TG: variants seen among roughly 807,000 people sequenced by gnomAD.
TG encodes thyroglobulin, also known as thyroid hormones.
A neutral mutation model predicts 324.7 loss-of-function variants in TG; 270 were observed. The observed-to-expected ratio is 0.83, with a 90% CI of 0.75 to 0.92. The LOEUF (loss-of-function observed/expected upper bound fraction) is 0.92, where lower values mean the gene tolerates loss of function less well. Among genes scored for constraint, TG ranks in the 40% least tolerant of loss-of-function variants. The pLI is 0.00. For missense variants in TG, 3,591 were observed against 3,456.4 expected (o/e 1.04, Z -0.98); for synonymous variants, 1,401 against 1,327.0 (o/e 1.06, Z -1.21).
At chr8:132,985,531 A>G (rs1237494420) in intron 35 of TG, among the ~76,000 whole-genome samples, 1 of 152,208 alleles carries the variant, frequency 6.6e-6, no homozygotes, top group African/African-American at 2.4e-5. Flanking sequence ...AAAATATATT[A>G]ATATCAAGAT....
At chr8:133,094,480 TC>T in intron 41 of TG, 1 of 176,800 alleles carries the variant, frequency 5.7e-6, no homozygotes, top group Admixed American at 5.4e-5. Flanking sequence ...GACCTTGTGA[TC>T]CGCCCACCTC....
chr8:132,940,162 C>T (rs866861783), intron 25 of TG, among the ~76,000 whole-genome samples: 15 of 152,128 alleles, frequency 9.9e-5, no homozygotes, highest in Admixed American at 7.2e-4. Flanking sequence ...CTCTCTATGA[C>T]GTCCAGCTGT....
At chr8:132,915,821 G>A (rs1820208744) in intron 20 of TG, among the ~76,000 whole-genome samples, 1 of 152,194 alleles carries the variant, frequency 6.6e-6, no homozygotes, top group Non-Finnish European at 1.5e-5. Flanking sequence ...TCTTCCAGCT[G>A]CTGTAGCCTT....
intron 40 of TG, among the ~76,000 whole-genome samples, chr8:133,026,486 A>G (rs1836091024): frequency 6.6e-6 from 1 of 152,218 alleles, no homozygotes; most frequent in African/African-American, 2.4e-5. Context: ...CTGTAGCAGG[A>G]CAGACCCCAG....
At chr8:133,120,868 G>T (rs955752673) in intron 45 of TG, among the ~76,000 whole-genome samples, 1 of 152,184 alleles carries the variant, frequency 6.6e-6, no homozygotes, top group African/African-American at 2.4e-5. Flanking sequence ...AATGGCAATG[G>T]CCCAAAGTGG....
chr8:132,988,708 G>T lies in TG; in HGVS notation c.6262+5296G>T, dbSNP rs559009608. 8.9e-4 allele frequency: 881 copies of T among 985,352 alleles called. 1 individual carries two copies. The highest frequency in any genetic ancestry group is 1.6e-3 in the Middle Eastern group (3 of 1,912). The allele number at this position is 985,352 out of a possible 1,614,324, so 61.0% of individuals were successfully genotyped here. A position where few individuals can be genotyped will look rare whatever the true frequency, so the allele number is the denominator to read the frequency against. ...ACAAATGTACATTGCATCTTAAAAG[G>T]CTTACACCAACCAAGCCAGCAAGGC... On this transcript the variant is annotated intron_variant, in intron 35 of 47. Coordinates refer to ENST00000220616, the MANE Select transcript of TG (RefSeq NM_003235.5).
intron 22 of TG, among the ~76,000 whole-genome samples, chr8:132,928,436 C>A (rs1330733556): frequency 6.6e-6 from 1 of 151,968 alleles, no homozygotes; most frequent in Admixed American, 6.5e-5. Flanking sequence ...TTCTTTTTTG[C>A]TTGGTGAAGA....
intron 41 of TG, among the ~76,000 whole-genome samples, chr8:133,087,167 C>A (rs1554720584): frequency 6.6e-6 from 1 of 151,118 alleles, no homozygotes; most frequent in Non-Finnish European, 1.5e-5. Context: ...CAGTGGTTTT[C>A]TTTGATTGGG....
At chr8:133,040,912 G>A (rs1167477786) in intron 41 of TG, among the ~76,000 whole-genome samples, 5 of 152,158 alleles carry the variant, frequency 3.3e-5, no homozygotes, top group Admixed American at 1.3e-4. Context: ...AAATAAACCC[G>A]TTTCTTTTTT....
chr8:132,887,894 C>A, intron 9 of TG, 90 bp from the exon 10 acceptor site: 1 of 1,223,246 alleles, frequency 8.2e-7, no homozygotes. Context: ...AGGTTTTAGA[C>A]GGAGTTTGGA....
chr8:132,901,212 T>A (rs1817876436), intron 15 of TG, 141 bp from the exon 16 acceptor site: 3 of 888,838 alleles, frequency 3.4e-6, no homozygotes, highest in Non-Finnish European at 5.5e-6. Flanking sequence ...AACCTCCTGG[T>A]GGGGAGGCAG....
At position 133,019,697 on chromosome 8, in the gene TG, T is replaced by G; in HGVS notation, c.6876+2T>G. 6.2e-7 allele frequency: 1 copy of G among 1,612,134 alleles called. No homozygotes were observed. The highest frequency in any genetic ancestry group is 8.5e-7 in the Non-Finnish European group (1 of 1,178,696). On this transcript the variant is annotated splice_donor_variant, in intron 39 of 47. Transcript: ENST00000220616. LOFTEE classifies it high-confidence loss of function. ...AATGTGTTCATCCCTCAGAATGTGG[T>G]GAGTTCAAAAGCACTTGCTATGGTT... is the stretch of plus-strand genomic sequence containing the variant.
At chr8:133,027,651 T>C (rs918440940) in intron 40 of TG, among the ~76,000 whole-genome samples, 4 of 152,208 alleles carry the variant, frequency 2.6e-5, no homozygotes, top group Non-Finnish European at 4.4e-5. Context: ...TAAAGGCTTT[T>C]TGAACAGAGA....
chr8:133,133,695 G>T (rs373147441), intron 47 of TG, 35 bp downstream of exon 47: 1 of 1,602,684 alleles, frequency 6.2e-7, no homozygotes. Flanking sequence ...AGGGAGCTGG[G>T]TGTTGATCTC....
chr8:132,939,662 G>GT (rs1563980137), intron 25 of TG, among the ~76,000 whole-genome samples: 108 of 128,482 alleles, frequency 8.4e-4, no homozygotes, highest in African/African-American at 2.9e-3. Flanking sequence ...TAGTCTATGG[G>GT]GTTTTTTTTT....
At chr8:132,977,773 T>A (rs937435698) in intron 34 of TG, among the ~76,000 whole-genome samples, 8 of 152,122 alleles carry the variant, frequency 5.3e-5, no homozygotes, top group Non-Finnish European at 1.2e-4. Flanking sequence ...CACATGGGAA[T>A]CATGGGAGCT....
intron 35 of TG, among the ~76,000 whole-genome samples, chr8:133,004,957 A>T (rs890302829): frequency 2.0e-5 from 3 of 152,178 alleles, no homozygotes; most frequent in Non-Finnish European, 2.9e-5. Context: ...GGGGCTGAGC[A>T]TGTAGACTCC....
intron 46 of TG, among the ~76,000 whole-genome samples, chr8:133,133,023 G>A (rs761413525): frequency 6.6e-6 from 1 of 152,184 alleles, no homozygotes; most frequent in Non-Finnish European, 1.5e-5. Context: ...GTTTGGGAAG[G>A]AGCCTTTATC....
At chr8:132,954,972 G>A (rs1826635589) in intron 27 of TG, among the ~76,000 whole-genome samples, 1 of 152,174 alleles carries the variant, frequency 6.6e-6, no homozygotes, top group Admixed American at 6.5e-5. Flanking sequence ...GAAACACATG[G>A]CCTCCTGAGG....
Sources: gnomAD v4.1 joint callset for allele counts (sites outside exome capture counted in the v4.1 genomes callset) on GRCh38, gnomAD v4.1.1 for gene constraint, MANE v1.5 for transcripts, NCBI Gene and HGNC (gene_info 2026-07-23, HGNC 2026-07-21) for gene names.